The following CFAP77 variants were observed in gnomAD, a reference collection of about 807,000 sequenced individuals.
CFAP77 encodes the protein cilia and flagella associated protein 77, also known as cilia- and flagella-associated protein 77.
In CFAP77, 25 loss-of-function variants were observed where a neutral mutation model predicts 31.1. The ratio of observed to expected loss-of-function variants is 0.80; its 90% CI spans 0.59 to 1.12. CFAP77 has a LOEUF of 1.12. CFAP77 is among the 50% of genes most tolerant of loss of function. The probability of loss-of-function intolerance (pLI) is 0.00; values close to 1 mark genes in which losing one functional copy is unlikely to be tolerated. For synonymous variants in CFAP77, 151 were observed against 159.9 expected, an observed-to-expected ratio of 0.94 and a Z score of 0.42; for missense variants, 377 against 397.3, an observed-to-expected ratio of 0.95 and a Z score of 0.44.
chr9:132,554,670 G>A lies in CFAP77; in HGVS notation c.732+11623G>A, dbSNP rs1330818196. Among the ~76,000 whole-genome samples, 3 of 152,126 alleles carry A rather than the reference G, an allele frequency of 2.0e-5. No individual in the cohort carries two copies. The highest frequency in any genetic ancestry group is 4.8e-5 in the African/African-American group (2 of 41,408). ...CCTTGTTTCACCTTGCGTGCAATCCGCCAGATACCTTCAAATCACTTGGAA... is the reference window on the plus strand; with the variant it reads ...CCTTGTTTCACCTTGCGTGCAATCCACCAGATACCTTCAAATCACTTGGAA... On this transcript the variant is annotated intron_variant, in intron 5 of 5. Coordinates refer to ENST00000393216, the MANE Select transcript of CFAP77 (RefSeq NM_001282957.2). This position sits in a 1 kb window ranked among gnomAD's most constrained non-coding sequence, Gnocchi z 4.1.
chr9:132,520,772 C>A (rs1304393371), intron 3 of CFAP77, among the ~76,000 whole-genome samples: 3 of 152,218 alleles, frequency 2.0e-5, no homozygotes, highest in African/African-American at 7.2e-5. Context: ...TGGACCTGAC[C>A]CAATTCCTTC....
At chr9:132,547,313 C>T (rs982413864) in intron 5 of CFAP77, among the ~76,000 whole-genome samples, 1 of 152,162 alleles carries the variant, frequency 6.6e-6, no homozygotes, top group Admixed American at 6.5e-5. Context: ...CTTCCTCTTC[C>T]ATAAAATGGG....
rs569981268 is a variant in CFAP77 at position 132,523,052 on chromosome 9, C to T, written c.525-14549C>T. 4.6e-5 allele frequency among the ~76,000 whole-genome samples: 7 copies of T among 151,690 alleles called. No individual in the cohort carries two copies. The East Asian group carries it at 7.7e-4, about 17-fold the overall frequency. ...AGTTCTGCTCCCCTGCCTCGGGCCT[C>T]GCTGTGGACATCACTGGTAGGCTTC... On this transcript the variant is annotated intron_variant, in intron 3 of 5. Transcript: ENST00000393216.
At chr9:132,521,131 C>T (rs7036506) in intron 3 of CFAP77, among the ~76,000 whole-genome samples, 67,040 of 151,934 alleles carry the variant, frequency 0.44, 15,392 homozygotes, top group East Asian at 0.77. Context: ...CCGGCCTGGC[C>T]GGGCTCTCTG....
At chr9:132,521,778 T>TTTTTTTTTTTTTTTTTTTTTG (rs533275755) in intron 3 of CFAP77, among the ~76,000 whole-genome samples, 20 of 106,152 alleles carry the variant, frequency 1.9e-4, no homozygotes, top group African/African-American at 4.6e-4. Flanking sequence ...TTTTTTTTTT[T>TTTTTTTTTTTTTTTTTTTTTG]TTTTTTGAGA....
In CFAP77 at chr9:132,498,979, C is replaced by T. The variant is rs1024614264; in HGVS notation, c.295+185C>T. 1.3e-5 allele frequency among the ~76,000 whole-genome samples: 2 copies of T among 152,202 alleles called. No homozygotes were observed. Among genetic ancestry groups the T allele is most frequent in the Non-Finnish European group, 2.9e-5 (2 of 68,026 alleles). ...AGTGGCCCAGATGGGGAGGGCCAAGCAGGGCCCTGGTGTGCGGTGTCAGGG... is the reference window on the plus strand; with the variant it reads ...AGTGGCCCAGATGGGGAGGGCCAAGTAGGGCCCTGGTGTGCGGTGTCAGGG... On this transcript the variant is annotated intron_variant, in intron 2 of 5. Transcript: ENST00000393216. This position sits in a 1 kb window ranked among gnomAD's most constrained non-coding sequence, Gnocchi z 4.2.
At position 132,499,489 on chromosome 9, in the gene CFAP77, A is replaced by T; in HGVS notation, c.413A>T (p.Asn138Ile). 6.2e-7 allele frequency: 1 copy of T among 1,614,168 alleles called. No individual in the cohort carries two copies. Among genetic ancestry groups the T allele is most frequent in the East Asian group, 2.2e-5 (1 of 44,864 alleles). The change falls in exon 3 of 6, where the codon AAC (asparagine) becomes ATC (isoleucine). Residue 138 changes from asparagine to isoleucine, a missense_variant. Asn to Ile is a moderately radical substitution (Grantham distance 149). Coordinates refer to ENST00000393216, the MANE Select transcript of CFAP77 (RefSeq NM_001282957.2). This position sits in a 1 kb window ranked among gnomAD's most constrained non-coding sequence, Gnocchi z 5.4. The part of the protein sequence containing the change: ...VKAGLVTARE[N>I]LLYRQLNDIR... Reference sequence around the variant, plus strand: ...GCCGGCCTGGTGACTGCCCGGGAGAACTTGCTCTACCGTCAGCTCAATGAC... The same window carrying T: ...GCCGGCCTGGTGACTGCCCGGGAGATCTTGCTCTACCGTCAGCTCAATGAC...
At chr9:132,441,518 T>TC (rs910029562) in intron 1 of CFAP77, among the ~76,000 whole-genome samples, 90 of 152,250 alleles carry the variant, frequency 5.9e-4, no homozygotes, top group African/African-American at 2.1e-3. Context: ...ACAGACACCC[T>TC]CCCCGCTCCC....
intron 5 of CFAP77, among the ~76,000 whole-genome samples, chr9:132,549,668 T>C (rs138457677): frequency 7.4e-4 from 112 of 152,174 alleles, no homozygotes; most frequent in African/African-American, 2.6e-3. Flanking sequence ...TGAAACTCTG[T>C]TTCTACTAAA....
intron 3 of CFAP77, among the ~76,000 whole-genome samples, chr9:132,524,664 A>T (rs117938197): frequency 0.075 from 11,443 of 151,730 alleles, 526 homozygotes; most frequent in South Asian, 0.13. Flanking sequence ...TTATTTATTT[A>T]TTGAGGCAGA....
At chr9:132,524,927 C>T (rs372891952) in intron 3 of CFAP77, among the ~76,000 whole-genome samples, 1 of 148,832 alleles carries the variant, frequency 6.7e-6, no homozygotes, top group Non-Finnish European at 1.5e-5. Flanking sequence ...GGATTACAGG[C>T]GTGAGCCACT....
intron 5 of CFAP77, among the ~76,000 whole-genome samples, chr9:132,563,675 T>C (rs1837401503): frequency 6.6e-6 from 1 of 152,218 alleles, no homozygotes; most frequent in Non-Finnish European, 1.5e-5. Flanking sequence ...AGGGTGTACA[T>C]GTGGCCAGCC....
At chr9:132,526,628 G>A (rs951493012) in intron 3 of CFAP77, among the ~76,000 whole-genome samples, 10 of 145,960 alleles carry the variant, frequency 6.9e-5, no homozygotes, top group Non-Finnish European at 1.1e-4. Context: ...AAGAAAAAAA[G>A]AGAGAAGAAT....
intron 5 of CFAP77, among the ~76,000 whole-genome samples, chr9:132,548,596 G>A (rs1852772661): frequency 6.6e-6 from 1 of 151,930 alleles, no homozygotes; most frequent in Admixed American, 6.5e-5. Context: ...CCGGAGCCTG[G>A]ATCTTTATTA....
At chr9:132,569,590 G>C (rs1476492783) in intron 5 of CFAP77, among the ~76,000 whole-genome samples, 1 of 152,074 alleles carries the variant, frequency 6.6e-6, no homozygotes, top group African/African-American at 2.4e-5. Flanking sequence ...GGCCACCAGA[G>C]ACAGCACAAT....
intron 1 of CFAP77, among the ~76,000 whole-genome samples, chr9:132,437,542 C>G (rs2131698044): frequency 7.4e-6 from 1 of 136,046 alleles, no homozygotes; most frequent in Middle Eastern, 4.3e-3. Flanking sequence ...CGGACTCTCA[C>G]TCTGTCACCC....
chr9:132,434,657 C>T (rs1158732831), intron 1 of CFAP77, among the ~76,000 whole-genome samples: 2 of 152,038 alleles, frequency 1.3e-5, no homozygotes, highest in South Asian at 2.1e-4. Context: ...AATATCTGTG[C>T]GTACAACTTT....
chr9:132,537,559 C>T, intron 3 of CFAP77, 42 bp from the exon 4 acceptor site: 1 of 1,518,194 alleles, frequency 6.6e-7, no homozygotes, highest in Non-Finnish European at 9.0e-7. Context: ...TGCCTCTGGT[C>T]TTTCCGGGGC....
chr9:132,542,790 G>A (rs886429255), intron 4 of CFAP77, among the ~76,000 whole-genome samples, 156 bp from the exon 5 acceptor site: 2 of 152,232 alleles, frequency 1.3e-5, no homozygotes, highest in South Asian at 4.2e-4. Context: ...GGCAGGTGGT[G>A]TGAAACAGCC....
Sources: allele counts gnomAD v4.1 joint callset (sites outside exome capture counted in the v4.1 genomes callset), GRCh38; gene constraint gnomAD v4.1.1; non-coding constraint Gnocchi (gnomAD v3.1); transcripts MANE v1.5; gene names NCBI Gene and HGNC (gene_info 2026-07-23, HGNC 2026-07-21).